ZSWIM8: variants seen among roughly 807,000 people sequenced by gnomAD.
ZSWIM8 encodes the protein zinc finger SWIM domain-containing protein 8.
ZSWIM8 carries 27 observed loss-of-function variants against 173.7 expected under a neutral mutation model. That is an observed-to-expected ratio of 0.16 (90% confidence interval 0.11 to 0.21). The LOEUF (loss-of-function observed/expected upper bound fraction) is 0.21, where lower values mean the gene tolerates loss of function less well. Ranked by LOEUF, ZSWIM8 falls within the 10% of genes least tolerant of loss-of-function variation. The probability of loss-of-function intolerance (pLI) is 1.00; values close to 1 mark genes in which losing one functional copy is unlikely to be tolerated. For synonymous variants in ZSWIM8, 958 were observed against 962.0 expected (o/e 1.00, Z 0.08); for missense variants, 1,627 against 2,428.8 (o/e 0.67, Z 6.94).
chr10:73,792,253 G>A lies in ZSWIM8; in HGVS notation c.1714G>A (p.Asp572Asn). ...GPRRLSAEGG[D>N]KALHKMGPGG... ...CCGCCGCCTCTCAGCTGAAGGGGGA[G>A]ATAAAGCTCTACATAAGATGGGTCC... The change falls in exon 10 of 26, where the codon GAT becomes AAT. Residue 572 changes from aspartate (D) to asparagine (N), a missense_variant. Asp to Asn is a conservative substitution (Grantham distance 23, BLOSUM62 1). Transcript: ENST00000604729. This position sits in a 1 kb window ranked among gnomAD's most constrained non-coding sequence, Gnocchi z 4.3. The A allele has an allele frequency of 6.3e-7, 1 of 1,581,176 alleles. No homozygotes were observed. Among genetic ancestry groups the A allele is most frequent in the South Asian group, 1.2e-5 (1 of 86,816 alleles).
rs1317776942 is a variant in ZSWIM8 at position 73,791,683 on chromosome 10, C to T, written c.1320-176C>T. 6.6e-6 allele frequency among the ~76,000 whole-genome samples: 1 copy of T among 152,144 alleles called. No homozygotes were observed. Among genetic ancestry groups the T allele is most frequent in the East Asian group, 1.9e-4 (1 of 5,186 alleles). Reference sequence around the variant, plus strand: ...TCTGAGAGGCTTTCATCCTTCCTTCCCCTAAATAACACCCACTTTTCAAAA... The same window carrying T: ...TCTGAGAGGCTTTCATCCTTCCTTCTCCTAAATAACACCCACTTTTCAAAA... On this transcript the variant is annotated intron_variant, in intron 9 of 25. Coordinates refer to ENST00000604729, the MANE Select transcript of ZSWIM8 (RefSeq NM_001367799.1). This position sits in a 1 kb window ranked among gnomAD's most constrained non-coding sequence, Gnocchi z 6.0.
At chr10:73,793,002 C>G in intron 10 of ZSWIM8, 150 bp downstream of exon 10, 1 of 967,758 alleles carries the variant, frequency 1.0e-6, no homozygotes, top group Admixed American at 2.9e-5. Flanking sequence ...TCAGTCTACT[C>G]ACTTTTCTGC....
At position 73,785,827 on chromosome 10, in the gene ZSWIM8, C is replaced by A. The variant is rs2083198048; in HGVS notation, c.-52C>A. 6.8e-7 allele frequency: 1 copy of A among 1,463,182 alleles called. No individual in the cohort carries two copies. Among genetic ancestry groups the A allele is most frequent in the Admixed American group, 2.7e-5 (1 of 37,010 alleles). The allele number at this position is 1,463,182 out of a possible 1,614,324, so 90.6% of individuals were successfully genotyped here. On this transcript the variant is annotated 5_prime_UTR_variant, in exon 1 of 26. Coordinates refer to ENST00000604729, the MANE Select transcript of ZSWIM8 (RefSeq NM_001367799.1). ...CCTCCCCTCAACCCCCGGCCGGCGG[C>A]CCAGGCCCCGGATCCGCGGGGGGGG...
chr10:73,790,159 C>T lies in ZSWIM8; in HGVS notation c.821-13C>T. 6.2e-7 allele frequency: 1 copy of T among 1,610,856 alleles called. No individual in the cohort carries two copies. On this transcript the variant is annotated splice_polypyrimidine_tract_variant and intron_variant, in intron 6 of 25. Coordinates refer to ENST00000604729, the MANE Select transcript of ZSWIM8 (RefSeq NM_001367799.1). ...CCCCTATCTCTAGATGACTGACTGC[C>T]TGTCATCCTCAGACCCCACAGCAGG...
At position 73,792,698 on chromosome 10, in the gene ZSWIM8, C is replaced by T. The variant is rs1237797752; in HGVS notation, c.2159C>T (p.Pro720Leu). Reference sequence around the variant, plus strand: ...CTTCCCAAAACCAAAGAGGCAGCCCCTGCAGTTGGAGAGGAGGATGATGAC... The same window carrying T: ...CTTCCCAAAACCAAAGAGGCAGCCCTTGCAGTTGGAGAGGAGGATGATGAC... ...NGLPKTKEAAPAVGEEDDDYQ... is the reference protein window; with the variant it reads ...NGLPKTKEAALAVGEEDDDYQ... Residue 720 changes from proline to leucine, a missense_variant, in exon 10 of 26, where the codon CCT becomes CTT. This residue lies in a region of ZSWIM8 where 383 missense variants were observed against 394.8 expected (regional missense o/e 0.97). Transcript: ENST00000604729. This position sits in a 1 kb window ranked among gnomAD's most constrained non-coding sequence, Gnocchi z 4.3. 4 of 1,613,990 alleles carry T rather than the reference C, an allele frequency of 2.5e-6. No homozygotes were observed. In the Admixed American group the frequency reaches 5.0e-5, roughly 20 times the overall value.
intron 14 of ZSWIM8, chr10:73,794,926 T>TAA (rs34754583): frequency 6.5e-5 from 6 of 91,700 alleles, no homozygotes; most frequent in East Asian, 3.1e-4. Context: ...CATCTCTACT[T>TAA]AAAAAAAAAA....
Position 73,792,424 on chromosome 10 carries a change from G to A in ZSWIM8, c.1885G>A (p.Ala629Thr), listed in dbSNP as rs772224491. Residue 629 changes from alanine to threonine, a missense_variant, in exon 10 of 26, where the codon GCC (alanine) becomes ACC (threonine). Transcript: ENST00000604729. The surrounding 1 kb of genome is among the most constrained non-coding windows in gnomAD (Gnocchi z 4.3). The part of the protein sequence containing the change: ...AEMSLDDSSL[A>T]LGAEASTFGG... ...GATGAGCCTGGATGACAGCAGCCTG[G>A]CCCTGGGCGCAGAGGCCAGCACCTT... The A allele has an allele frequency of 5.6e-6, 9 of 1,604,030 alleles. No homozygotes were observed. The highest frequency in any genetic ancestry group is 2.7e-5 in the African/African-American group (2 of 74,696).
In ZSWIM8 at chr10:73,800,166, G is replaced by A; in HGVS notation, c.4821G>A (p.Val1607=). The change falls in exon 22 of 26, where the codon GTG becomes GTA. Residue 1607 remains valine, a synonymous_variant. Coordinates refer to ENST00000604729, the MANE Select transcript of ZSWIM8 (RefSeq NM_001367799.1). The surrounding 1 kb of genome is among the most constrained non-coding windows in gnomAD (Gnocchi z 4.1). Reference sequence around the variant, plus strand: ...CAGGGCTTCCACTGCCCACCAGTGTGGCCTGTGAGTTGTGGGGCCAGGGAA... The same window carrying A: ...CAGGGCTTCCACTGCCCACCAGTGTAGCCTGTGAGTTGTGGGGCCAGGGAA... The part of the protein sequence containing the change: ...TEPGLPLPTS[V]ALSSVHPAST... 1 of 1,613,640 alleles carries A rather than the reference G, an allele frequency of 6.2e-7. No homozygotes were observed. Among genetic ancestry groups the A allele is most frequent in the Non-Finnish European group, 8.5e-7 (1 of 1,179,816 alleles).
Position 73,799,249 on chromosome 10 carries a change from T to A in ZSWIM8, c.4424T>A (p.Val1475Glu), listed in dbSNP as rs369060579. The change falls in exon 21 of 26, where the codon GTG (valine) becomes GAG (glutamate). Residue 1475 changes from valine (V) to glutamate (E), a missense_variant. Physicochemically the swap from Val to Glu is moderately radical, Grantham distance 121 (BLOSUM62 -2). Around this residue, in one of 18 missense-constraint regions of ZSWIM8, gnomAD observed 275 missense variants for 290.1 expected, o/e 0.95. Coordinates refer to ENST00000604729, the MANE Select transcript of ZSWIM8 (RefSeq NM_001367799.1). ...GGCCCAGGGACTGAGCCGGTTACAG[T>A]GGCAGCGGCAGCAGTGACAGCAGCA... ...RGGPGTEPVTVAAAAVTAAAT... is the reference protein window; with the variant it reads ...RGGPGTEPVTEAAAAVTAAAT... 3 of 1,601,128 alleles carry A rather than the reference T, an allele frequency of 1.9e-6. No homozygotes were observed. Among genetic ancestry groups the A allele is most frequent in the Non-Finnish European group, 1.7e-6 (2 of 1,174,322 alleles).
In ZSWIM8 at chr10:73,797,689, A is replaced by G. The variant is rs1214762902; in HGVS notation, c.3662+84A>G. 1.3e-6 allele frequency: 2 copies of G among 1,567,648 alleles called. No homozygotes were observed. The highest frequency in any genetic ancestry group is 2.3e-5 in the East Asian group (1 of 44,014). On this transcript the variant is annotated intron_variant, in intron 18 of 25. Coordinates refer to ENST00000604729, the MANE Select transcript of ZSWIM8 (RefSeq NM_001367799.1). This position sits in a 1 kb window ranked among gnomAD's most constrained non-coding sequence, Gnocchi z 5.6. ...TAGTGCAATCCAACCATTGTCTCCC[A>G]GCATCCTCACTTTCCCTGGTCCTTC...
rs775657305 is a variant in ZSWIM8, at chr10:73,785,658, G to C, written c.-221G>C. On this transcript the variant is annotated 5_prime_UTR_variant, in exon 1 of 26. Transcript: ENST00000604729. ...CGCTTCGTCCCGGCCCTAAGTCTCG[G>C]AGACTGGCCAAGATCACCGCTTGCA... 2 of 626,288 alleles carry C rather than the reference G, an allele frequency of 3.2e-6. No homozygotes were observed. The highest frequency in any genetic ancestry group is 3.1e-5 in the South Asian group (2 of 64,532). The allele number at this position is 626,288 out of a possible 1,614,324, so 38.8% of individuals were successfully genotyped here.
Position 73,800,545 on chromosome 10 carries a change from CTCT to C in ZSWIM8, c.5002+76_5002+78del. ...GCTCTTCAGAGGACCCTTCCTCTAG[CTCT>C]TCATTTGTTTACTGTGGGGTCAGGT... On this transcript the variant is annotated intron_variant, in intron 23 of 25. Coordinates refer to ENST00000604729, the MANE Select transcript of ZSWIM8 (RefSeq NM_001367799.1). This position sits in a 1 kb window ranked among gnomAD's most constrained non-coding sequence, Gnocchi z 4.1. 6.2e-7 allele frequency: 1 copy of C among 1,602,560 alleles called. No homozygotes were observed. Among genetic ancestry groups the C allele is most frequent in the Non-Finnish European group, 8.5e-7 (1 of 1,173,334 alleles).
Position 73,800,960 on chromosome 10 carries a change from G to A in ZSWIM8, c.5123-57G>A. The A allele has an allele frequency of 6.8e-7, 1 of 1,472,862 alleles. No individual in the cohort carries two copies. Among genetic ancestry groups the A allele is most frequent in the Non-Finnish European group, 9.2e-7 (1 of 1,089,036 alleles). 91.2% of individuals were successfully genotyped at this position (1,472,862 alleles called of 1,614,324 possible). The stretch of plus-strand genomic sequence containing the variant: ...AGGCCAGAGCTGAGATCTGTAAGTT[G>A]GGTCCCTAGGGCAGAGGTGGCCACC... On this transcript the variant is annotated intron_variant, in intron 24 of 25. Transcript: ENST00000604729. The surrounding 1 kb of genome is among the most constrained non-coding windows in gnomAD (Gnocchi z 4.1).
rs1470445737 is a variant in ZSWIM8, at chr10:73,801,001, T to TC, written c.5123-11dup. On this transcript the variant is annotated splice_polypyrimidine_tract_variant and intron_variant, in intron 24 of 25. Transcript: ENST00000604729. The surrounding 1 kb of genome is among the most constrained non-coding windows in gnomAD (Gnocchi z 4.9). Reference sequence around the variant, plus strand: ...GGTGGCCACCCCCGTCTCATGCCCCTCCCCCTGCCCCCCAGGAGTGAACTA... The same window carrying TC: ...GGTGGCCACCCCCGTCTCATGCCCCTCCCCCCTGCCCCCCAGGAGTGAACTA... 1.3e-6 allele frequency: 2 copies of TC among 1,533,916 alleles called. No individual in the cohort carries two copies. The highest frequency in any genetic ancestry group is 1.8e-6 in the Non-Finnish European group (2 of 1,134,024).
At position 73,785,829 on chromosome 10, in the gene ZSWIM8, C is replaced by G; in HGVS notation, c.-50C>G. 6.8e-7 allele frequency: 1 copy of G among 1,462,504 alleles called. No homozygotes were observed. The highest frequency in any genetic ancestry group is 9.0e-7 in the Non-Finnish European group (1 of 1,105,682). The allele number at this position is 1,462,504 out of a possible 1,614,324, so 90.6% of individuals were successfully genotyped here. ...TCCCCTCAACCCCCGGCCGGCGGCC[C>G]AGGCCCCGGATCCGCGGGGGGGGAC... is the stretch of plus-strand genomic sequence containing the variant. On this transcript the variant is annotated 5_prime_UTR_variant, in exon 1 of 26. Coordinates refer to ENST00000604729, the MANE Select transcript of ZSWIM8 (RefSeq NM_001367799.1).
chr10:73,795,746 C>T (rs2083609930), intron 15 of ZSWIM8, 83 bp downstream of exon 15: 4 of 1,479,910 alleles, frequency 2.7e-6, no homozygotes, highest in African/African-American at 1.4e-5. Context: ...TGGCTTGAGC[C>T]CAGGAGTTTG....
chr10:73,786,235 C>T (rs2083213977), intron 1 of ZSWIM8, 149 bp downstream of exon 1: 2 of 916,426 alleles, frequency 2.2e-6, no homozygotes, highest in African/African-American at 3.4e-5. Context: ...CTGTCCCCGA[C>T]TGGGAGCTGT....
chr10:73,791,096 C>A lies in ZSWIM8; in HGVS notation c.1063C>A (p.Arg355=), dbSNP rs1324155633. 1 of 1,613,864 alleles carries A rather than the reference C, an allele frequency of 6.2e-7. No homozygotes were observed. The highest frequency in any genetic ancestry group is 1.1e-5 in the South Asian group (1 of 91,066). The change falls in exon 8 of 26, where the codon CGG becomes AGG. Residue 355 remains arginine (R), a synonymous_variant. Coordinates refer to ENST00000604729, the MANE Select transcript of ZSWIM8 (RefSeq NM_001367799.1). This position sits in a 1 kb window ranked among gnomAD's most constrained non-coding sequence, Gnocchi z 6.0. ...CGTCTGGAACCTGCTAAGCATTGTG[C>A]GGGAGATGTTCAAGCGGAGGGACAG... The part of the protein sequence containing the change: ...EGVWNLLSIV[R]EMFKRRDSNA...
In ZSWIM8 at chr10:73,800,200, T is replaced by C. The variant is rs2132818500; in HGVS notation, c.4825+30T>C. 1 of 1,613,080 alleles carries C rather than the reference T, an allele frequency of 6.2e-7. No individual in the cohort carries two copies. The highest frequency in any genetic ancestry group is 1.1e-5 in the South Asian group (1 of 91,066). On this transcript the variant is annotated intron_variant, in intron 22 of 25. Transcript: ENST00000604729. This position sits in a 1 kb window ranked among gnomAD's most constrained non-coding sequence, Gnocchi z 4.1. ...GTTGTGGGGCCAGGGAACAGGTGAA[T>C]GGAGGGGAGGCACACTGGGCAGGGG...
Sources: allele counts gnomAD v4.1 joint callset (sites outside exome capture counted in the v4.1 genomes callset), GRCh38; gene constraint gnomAD v4.1.1; regional missense constraint gnomAD v4.1.1; non-coding constraint Gnocchi (gnomAD v3.1); transcripts MANE v1.5; gene names NCBI Gene and HGNC (gene_info 2026-07-23, HGNC 2026-07-21).